The following ATP10A variants were observed in gnomAD, a reference collection of about 807,000 sequenced individuals.
ATP10A encodes the protein ATPase phospholipid transporting 10A (putative), also known as phospholipid-transporting ATPase VA.
ATP10A carries 111 observed loss-of-function variants against 147.8 expected under a neutral mutation model. That is an observed-to-expected ratio of 0.75 (90% CI 0.64 to 0.88). ATP10A has a LOEUF of 0.88. ATP10A is among the 40% of genes least tolerant of loss of function. The pLI is 0.00. For synonymous variants in ATP10A, 875 were observed against 841.6 expected, an observed-to-expected ratio of 1.04 and a Z score of -0.69; for missense variants, 1,927 against 1,959.0, an observed-to-expected ratio of 0.98 and a Z score of 0.31.
chr15:25,848,178 A>C (rs140012954), intron 1 of ATP10A, among the ~76,000 whole-genome samples: 552 of 152,282 alleles, frequency 3.6e-3, no homozygotes, highest in Non-Finnish European at 6.1e-3. Context: ...AAACAAAAAA[A>C]TAAACATGGT....
intron 17 of ATP10A, among the ~76,000 whole-genome samples, chr15:25,682,373 C>G (rs1899468818): frequency 1.3e-5 from 2 of 152,088 alleles, no homozygotes; most frequent in African/African-American, 4.8e-5. Context: ...CCCGGGTGAC[C>G]AAATGTGTAT....
chr15:25,794,733 C>T (rs1012450949), intron 1 of ATP10A, among the ~76,000 whole-genome samples: 3 of 152,178 alleles, frequency 2.0e-5, no homozygotes, highest in East Asian at 1.9e-4. Flanking sequence ...AAGGCTGAAA[C>T]GCAGAACTAA....
Position 25,679,410 on chromosome 15 carries a change from T to C in ATP10A, c.4431A>G (p.Ser1477=), listed in dbSNP as rs1899236022. ...CTGGCCCTTGAAGTCCTGATCGGCC[T>C]GAGTGGGGCTGGACAGGAAGTCCAC... ...AGRGLPVQPH[S]GRSGLQGPDH... Residue 1477 remains serine, a synonymous_variant, in exon 21 of 21, where the codon TCA becomes TCG. Coordinates refer to ENST00000555815, the MANE Select transcript of ATP10A (RefSeq NM_024490.4). 6.2e-7 allele frequency: 1 copy of C among 1,612,750 alleles called. No homozygotes were observed. The highest frequency in any genetic ancestry group is 8.5e-7 in the Non-Finnish European group (1 of 1,178,838).
Position 25,862,688 on chromosome 15 carries a change from C to A in ATP10A, c.409G>T (p.Asp137Tyr). The change falls in exon 1 of 21, where the codon GAC (aspartate) becomes TAC (tyrosine). Residue 137 changes from aspartate to tyrosine, a missense_variant. Coordinates refer to ENST00000555815, the MANE Select transcript of ATP10A (RefSeq NM_024490.4). The part of the protein sequence containing the change: ...LWEDYSRHRS[D>Y]HKINHLGCLV... ...CAGCCCAGGTGGTTGATCTTGTGGT[C>A]GGAGCGGTGGCGGCTGTAGTCCTCC... 1.2e-6 allele frequency: 2 copies of A among 1,603,704 alleles called. No homozygotes were observed. Among genetic ancestry groups the A allele is most frequent in the South Asian group, 2.2e-5 (2 of 90,166 alleles).
rs1278247478 is a variant in ATP10A, at chr15:25,718,184, T to C, written c.1579A>G (p.Met527Val). The C allele has an allele frequency of 3.7e-6, 6 of 1,612,796 alleles. No homozygotes were observed. The highest frequency in any genetic ancestry group is 1.1e-5 in the South Asian group (1 of 91,020). The change falls in exon 8 of 21, where the codon ATG (methionine) becomes GTG (valine). Residue 527 changes from methionine (M) to valine (V), a missense_variant and splice_region_variant. Physicochemically the swap from Met to Val is conservative, Grantham distance 21. Transcript: ENST00000555815. ...LSKHTAFSSP[M>V]EKDITPDPKL... ...AGCAGGAGGCCCTGTACACTCACCATGGGGCTGCTGAAGGCCGTGTGCTTG... is the reference window on the plus strand; with the variant it reads ...AGCAGGAGGCCCTGTACACTCACCACGGGGCTGCTGAAGGCCGTGTGCTTG...
At chr15:25,804,588 G>C (rs1452822968) in intron 1 of ATP10A, among the ~76,000 whole-genome samples, 1 of 152,090 alleles carries the variant, frequency 6.6e-6, no homozygotes, top group Non-Finnish European at 1.5e-5. Context: ...AGTGGAAAGA[G>C]CTGAGGCCTT....
At chr15:25,825,695 T>G (rs1056097508) in intron 1 of ATP10A, among the ~76,000 whole-genome samples, 1 of 152,016 alleles carries the variant, frequency 6.6e-6, no homozygotes, top group Non-Finnish European at 1.5e-5. Context: ...TAAACAACAA[T>G]AGCAACAAAC....
chr15:25,836,123 A>G lies in ATP10A; in HGVS notation c.449+26525T>C, dbSNP rs866888746. Among the ~76,000 whole-genome samples, 76 of 152,150 alleles carry G rather than the reference A, an allele frequency of 5.0e-4. No homozygotes were observed. In the Middle Eastern group the frequency reaches 0.01, roughly 20 times the overall value. ...CCAAAGCGCCTGGCCTAATTTTTCA[A>G]TTTTTAGTAGAGACAAGATCTCACT... is the stretch of plus-strand genomic sequence containing the variant. On this transcript the variant is annotated intron_variant, in intron 1 of 20. Transcript: ENST00000555815.
intron 2 of ATP10A, among the ~76,000 whole-genome samples, chr15:25,744,125 C>T (rs1006092918): frequency 6.6e-6 from 1 of 152,050 alleles, no homozygotes; most frequent in East Asian, 1.9e-4. Flanking sequence ...GAAAGAGCTT[C>T]AACATGGAAC....
intron 1 of ATP10A, among the ~76,000 whole-genome samples, chr15:25,794,762 T>C (rs1890589752): frequency 6.6e-6 from 1 of 152,242 alleles, no homozygotes. Context: ...TGAGTTTTCC[T>C]CCTTGGGTAA....
At chr15:25,818,204 A>C (rs1416360819) in intron 1 of ATP10A, among the ~76,000 whole-genome samples, 1 of 152,182 alleles carries the variant, frequency 6.6e-6, no homozygotes, top group Non-Finnish European at 1.5e-5. Flanking sequence ...CTTAAATCCC[A>C]CTAAAGTGAT....
At chr15:25,728,727 TAAATGTTCTTCACTGTGACACTG>T (rs890909663) in intron 3 of ATP10A, among the ~76,000 whole-genome samples, 1 of 152,234 alleles carries the variant, frequency 6.6e-6, no homozygotes, top group African/African-American at 2.4e-5. Flanking sequence ...TGTTCTACAT[TAAATGTTCTTCACTGTGACACTG>T]ACTTTTGAGC....
intron 9 of ATP10A, 39 bp downstream of exon 9, chr15:25,716,691 G>C (rs374073137): frequency 2.7e-6 from 4 of 1,493,928 alleles, no homozygotes; most frequent in Non-Finnish European, 3.6e-6. Context: ...CCGCAGCGCA[G>C]AAGGTCAAGG....
intron 17 of ATP10A, among the ~76,000 whole-genome samples, chr15:25,682,271 G>A (rs556746363): frequency 2.6e-5 from 4 of 152,020 alleles, no homozygotes; most frequent in African/African-American, 9.6e-5. Context: ...AAAATTACAC[G>A]ATGGATGTGT....
intron 2 of ATP10A, among the ~76,000 whole-genome samples, chr15:25,741,184 G>A (rs888100453): frequency 6.6e-5 from 10 of 152,184 alleles, no homozygotes; most frequent in Non-Finnish European, 1.3e-4. Flanking sequence ...CAGGTTCCCT[G>A]AGCACAGGTA....
intron 1 of ATP10A, among the ~76,000 whole-genome samples, chr15:25,805,540 A>G (rs954831533): frequency 4.6e-5 from 7 of 152,180 alleles, no homozygotes; most frequent in African/African-American, 1.7e-4. Context: ...ATGCACTAAA[A>G]TCTAAGTAGG....
At chr15:25,812,811 G>C (rs1891490321) in intron 1 of ATP10A, among the ~76,000 whole-genome samples, 3 of 152,296 alleles carry the variant, frequency 2.0e-5, no homozygotes, top group African/African-American at 7.2e-5. Flanking sequence ...ATTTCACTTT[G>C]AAAGTGATTA....
At chr15:25,794,484 T>C (rs1259740437) in intron 1 of ATP10A, among the ~76,000 whole-genome samples, 1 of 152,178 alleles carries the variant, frequency 6.6e-6, no homozygotes, top group Non-Finnish European at 1.5e-5. Flanking sequence ...TAAAGTACCT[T>C]AAGCAAACAA....
intron 17 of ATP10A, among the ~76,000 whole-genome samples, chr15:25,681,711 A>G (rs866576097): frequency 6.6e-6 from 1 of 152,178 alleles, no homozygotes; most frequent in African/African-American, 2.4e-5. Flanking sequence ...ACTCACTGGG[A>G]ACACCTGCAC....
Sources: gnomAD v4.1 joint callset for allele counts (sites outside exome capture counted in the v4.1 genomes callset) on GRCh38, gnomAD v4.1.1 for gene constraint, MANE v1.5 for transcripts, NCBI Gene and HGNC (gene_info 2026-07-23, HGNC 2026-07-21) for gene names.